The following PRORP variants were observed in gnomAD, a reference collection of about 807,000 sequenced individuals.
The protein encoded by PRORP is mitochondrial ribonuclease P catalytic subunit.
In PRORP, 51 loss-of-function variants were observed where a neutral mutation model predicts 59.4. That is an observed-to-expected ratio of 0.86 (90% CI 0.69 to 1.08). The LOEUF (loss-of-function observed/expected upper bound fraction) is 1.08, where lower values mean the gene tolerates loss of function less well. Among genes scored for constraint, PRORP ranks in the 50% least tolerant of loss-of-function variants. The probability of loss-of-function intolerance (pLI) is 0.00; values close to 1 mark genes in which losing one functional copy is unlikely to be tolerated. For synonymous variants in PRORP, 231 were observed against 245.6 expected, an observed-to-expected ratio of 0.94 and a Z score of 0.55; for missense variants, 646 against 690.3, an observed-to-expected ratio of 0.94 and a Z score of 0.72.
intron 5 of PRORP, among the ~76,000 whole-genome samples, chr14:35,185,250 T>C (rs2048715556): frequency 6.6e-6 from 1 of 152,242 alleles, no homozygotes; most frequent in African/African-American, 2.4e-5. Flanking sequence ...ACTGTGGTTT[T>C]GATTTGCATT....
intron 5 of PRORP, among the ~76,000 whole-genome samples, chr14:35,183,091 A>G (rs919865771): frequency 6.6e-6 from 1 of 152,194 alleles, no homozygotes; most frequent in Non-Finnish European, 1.5e-5. Context: ...AATGAAAAAC[A>G]ACATGCTTAG....
upstream of PRORP, chr14:35,122,464 T>C (rs1160252936): frequency 6.4e-6 from 1 of 155,384 alleles, no homozygotes; most frequent in Non-Finnish European, 1.4e-5. Context: ...ACTGCCTTTT[T>C]TCCTCGCCGC....
intron 4 of PRORP, chr14:35,159,071 C>G (rs560832528): frequency 7.4e-4 from 165 of 224,160 alleles, no homozygotes; most frequent in Non-Finnish European, 1.3e-3. Context: ...GTTGACGCTC[C>G]TCTCCTAATC....
chr14:35,158,215 G>C, intron 4 of PRORP: 1 of 261,532 alleles, frequency 3.8e-6, no homozygotes, highest in Non-Finnish European at 7.7e-6. Flanking sequence ...CTCTTAGTAA[G>C]CCCTTATTTG....
chr14:35,163,663 A>G lies in PRORP; in HGVS notation c.1168-17007A>G, dbSNP rs117634576. On this transcript the variant is annotated intron_variant, in intron 4 of 7. Transcript: ENST00000534898. ...GTTCCTTGTAGATTCTGGATATTAG[A>G]CCATTGTTGGATGCAGTTTGTAAAT... Among the ~76,000 whole-genome samples, 65 of 152,064 alleles carry G rather than the reference A, an allele frequency of 4.3e-4. 2 individuals are homozygous for G. The East Asian group carries it at 0.012, about 27-fold the overall frequency.
intron 5 of PRORP, among the ~76,000 whole-genome samples, chr14:35,187,381 T>A (rs1348770640): frequency 6.6e-6 from 1 of 152,060 alleles, no homozygotes; most frequent in Non-Finnish European, 1.5e-5. Flanking sequence ...TTTTTGTTTG[T>A]TTTGGTCATG....
At chr14:35,270,023 G>A (rs2051144503) in intron 6 of PRORP, among the ~76,000 whole-genome samples, 2 of 152,154 alleles carry the variant, frequency 1.3e-5, no homozygotes, top group African/African-American at 2.4e-5. Flanking sequence ...TATTTTGGGT[G>A]TTTCTTGAAT....
chr14:35,231,468 T>G (rs1236995507), intron 5 of PRORP, among the ~76,000 whole-genome samples: 1 of 152,138 alleles, frequency 6.6e-6, no homozygotes, highest in East Asian at 1.9e-4. Context: ...AGCTATGTGT[T>G]TTTGTATTTG....
At chr14:35,238,581 A>G (rs1007211159) in intron 5 of PRORP, among the ~76,000 whole-genome samples, 1 of 152,236 alleles carries the variant, frequency 6.6e-6, no homozygotes, top group Admixed American at 6.5e-5. Context: ...TAAAGGAATG[A>G]AAGTCTAGGA....
intron 4 of PRORP, among the ~76,000 whole-genome samples, chr14:35,129,214 A>C (rs2047174042): frequency 6.6e-6 from 1 of 152,120 alleles, no homozygotes; most frequent in Admixed American, 6.6e-5. Flanking sequence ...ATCTCAAAAA[A>C]AAAAGATGCA....
At chr14:35,192,130 T>A (rs117773506) in intron 5 of PRORP, among the ~76,000 whole-genome samples, 384 of 152,344 alleles carry the variant, frequency 2.5e-3, no homozygotes, top group Non-Finnish European at 4.1e-3. Context: ...TTTGCCTCTC[T>A]TTTCAACCTC....
At chr14:35,223,061 G>A (rs1310968362) in intron 5 of PRORP, among the ~76,000 whole-genome samples, 1 of 152,126 alleles carries the variant, frequency 6.6e-6, no homozygotes, top group Non-Finnish European at 1.5e-5. Context: ...TTACAACACC[G>A]AAGCTAACTA....
chr14:35,202,280 A>G (rs1194484119), intron 5 of PRORP, among the ~76,000 whole-genome samples: 2 of 143,540 alleles, frequency 1.4e-5, no homozygotes, highest in African/African-American at 4.9e-5. Context: ...TTTAAAAGCT[A>G]AAAAACATGA....
intron 4 of PRORP, among the ~76,000 whole-genome samples, chr14:35,131,895 A>G (rs1416955657): frequency 6.6e-6 from 1 of 151,030 alleles, no homozygotes; most frequent in East Asian, 2.0e-4. Context: ...GCTGGAGTGC[A>G]GTGGTGCTAT....
Position 35,143,739 on chromosome 14 carries a change from C to T in PRORP, c.1167+16128C>T, listed in dbSNP as rs560009329. Reference sequence around the variant, plus strand: ...CTCGGCTCACCGCAACCTCCGCCTCCGAGGTTCAAGCGATTCTCCTGCCTC... The same window carrying T: ...CTCGGCTCACCGCAACCTCCGCCTCTGAGGTTCAAGCGATTCTCCTGCCTC... On this transcript the variant is annotated intron_variant, in intron 4 of 7. Coordinates refer to ENST00000534898, the MANE Select transcript of PRORP (RefSeq NM_014672.4). 2.8e-5 allele frequency among the ~76,000 whole-genome samples: 4 copies of T among 145,148 alleles called. 1 individual carries two copies. Among genetic ancestry groups the T allele is most frequent in the East Asian group, 4.7e-4 (2 of 4,278 alleles).
At chr14:35,185,018 T>C (rs527844222) in intron 5 of PRORP, among the ~76,000 whole-genome samples, 1 of 152,326 alleles carries the variant, frequency 6.6e-6, no homozygotes, top group East Asian at 1.9e-4. Context: ...GAATGATTTC[T>C]ACTCATCTGG....
At chr14:35,224,470 G>C (rs574767475) in intron 5 of PRORP, among the ~76,000 whole-genome samples, 1 of 152,304 alleles carries the variant, frequency 6.6e-6, no homozygotes, top group African/African-American at 2.4e-5. Context: ...AATGGATGAG[G>C]AAAGTGAGGC....
rs1273922512 is a variant in PRORP, at chr14:35,180,770, C to T, written c.1268C>T (p.Ser423Phe). ...AAAATGTTTCCTAAAGTTCGTGAAT[C>T]TCAACTTGTAAGTATAAGTTTTACT... ...VAKMFPKVRE[S>F]QLLLNVVSQL... The change falls in exon 5 of 8, where the codon TCT becomes TTT. Residue 423 changes from serine (S) to phenylalanine (F), a missense_variant. Physicochemically the swap from Ser to Phe is radical, Grantham distance 155 (BLOSUM62 -2). Coordinates refer to ENST00000534898, the MANE Select transcript of PRORP (RefSeq NM_014672.4). The T allele has an allele frequency of 1.3e-6, 2 of 1,591,412 alleles. No individual in the cohort carries two copies. Among genetic ancestry groups the T allele is most frequent in the African/African-American group, 2.7e-5 (2 of 74,350 alleles).
chr14:35,237,487 C>G (rs1033288168), intron 5 of PRORP, among the ~76,000 whole-genome samples: 4 of 152,158 alleles, frequency 2.6e-5, no homozygotes, highest in African/African-American at 7.2e-5. Flanking sequence ...TCATAGCCTC[C>G]TAACTGGTTT....
Sources: allele counts gnomAD v4.1 joint callset (sites outside exome capture counted in the v4.1 genomes callset), GRCh38; gene constraint gnomAD v4.1.1; transcripts MANE v1.5; gene names NCBI Gene and HGNC (gene_info 2026-07-23, HGNC 2026-07-21).